WDPCP: variants seen among roughly 807,000 people sequenced by gnomAD.
WDPCP encodes the protein WD repeat containing planar cell polarity effector.
In WDPCP, 71 loss-of-function variants were observed where a neutral mutation model predicts 93.1. The ratio of observed to expected loss-of-function variants is 0.76; its 90% confidence interval spans 0.63 to 0.93. The LOEUF (loss-of-function observed/expected upper bound fraction) is 0.93. WDPCP is among the 40% of genes least tolerant of loss of function. The probability of loss-of-function intolerance (pLI) is 0.00; values close to 1 mark genes in which losing one functional copy is unlikely to be tolerated. For missense variants in WDPCP, 844 were observed against 887.4 expected, an observed-to-expected ratio of 0.95 and a Z score of 0.62; for synonymous variants, 315 against 315.0, an observed-to-expected ratio of 1.00 and a Z score of 0.00.
At chr2:63,555,368 G>A (rs1007271177) in intron 1 of WDPCP, among the ~76,000 whole-genome samples, 13 of 151,920 alleles carry the variant, frequency 8.6e-5, no homozygotes. Flanking sequence ...CCTGCAGGGA[G>A]AGGCAGCCAT....
At chr2:63,153,705 T>C (rs1336899797) in intron 15 of WDPCP, 131 bp from the exon 16 acceptor site, 3 of 567,110 alleles carry the variant, frequency 5.3e-6, no homozygotes, top group Non-Finnish European at 8.7e-6. Flanking sequence ...ATTAAAAAAT[T>C]TCTTTGGAAA....
intron 2 of WDPCP, among the ~76,000 whole-genome samples, chr2:63,702,538 C>CTTT (rs67899382): frequency 1.5e-4 from 22 of 147,252 alleles, no homozygotes; most frequent in African/African-American, 3.7e-4. Context: ...GCTACCCATT[C>CTTT]TTTTTTTTTT....
chr2:63,826,549 T>A (rs1267099275), intron 1 of WDPCP, among the ~76,000 whole-genome samples: 2 of 152,182 alleles, frequency 1.3e-5, no homozygotes, highest in African/African-American at 2.4e-5. Flanking sequence ...TGAAATAAAA[T>A]TTTTAAAAAG....
intron 13 of WDPCP, among the ~76,000 whole-genome samples, chr2:63,270,592 G>C (rs1682558753): frequency 6.6e-6 from 1 of 152,118 alleles, no homozygotes; most frequent in Admixed American, 6.5e-5. Flanking sequence ...GCATTTAAGA[G>C]AGAACATTAG....
the WDPCP span, among the ~76,000 whole-genome samples, chr2:63,838,468 C>G: frequency 6.6e-6 from 1 of 152,152 alleles, no homozygotes; most frequent in Non-Finnish European, 1.5e-5. Context: ...TGGAACCAGA[C>G]AAAAACTGGC....
chr2:63,733,253 G>T (rs1304738573), intron 2 of WDPCP, among the ~76,000 whole-genome samples: 4 of 136,062 alleles, frequency 2.9e-5, no homozygotes, highest in African/African-American at 1.1e-4. Context: ...ACTGCGGACT[G>T]CAGTGGCGCA....
chr2:63,626,517 A>G (rs918255088), intron 3 of WDPCP, among the ~76,000 whole-genome samples: 1 of 152,154 alleles, frequency 6.6e-6, no homozygotes, highest in Non-Finnish European at 1.5e-5. Flanking sequence ...TTAAAAAAGG[A>G]TATGAACAGA....
Position 63,381,866 on chromosome 2 carries a change from A to G in WDPCP, c.1624+40T>C, listed in dbSNP as rs768877891. 5.0e-6 allele frequency: 8 copies of G among 1,600,616 alleles called. No homozygotes were observed. The East Asian group carries it at 9.0e-5, about 18-fold the overall frequency. ...TAACTCAATAAAATCTATTTCATGT[A>G]TATACAAAACTCATCAATGAAAAAT... is the stretch of plus-strand genomic sequence containing the variant. On this transcript the variant is annotated intron_variant, in intron 11 of 17. Coordinates refer to ENST00000272321, the MANE Select transcript of WDPCP (RefSeq NM_015910.7).
upstream of WDPCP, among the ~76,000 whole-genome samples, chr2:63,591,775 A>G (rs1411047916): frequency 6.6e-6 from 1 of 152,168 alleles, no homozygotes; most frequent in African/African-American, 2.4e-5. Context: ...TAAATAGAAA[A>G]CCACAGGCTA....
chr2:63,710,687 T>C (rs1669248998), intron 2 of WDPCP, among the ~76,000 whole-genome samples: 1 of 152,116 alleles, frequency 6.6e-6, no homozygotes. Context: ...TATTAGACCA[T>C]TTTGCGATTG....
chr2:63,779,626 G>A lies in WDPCP; in HGVS notation n.308+33996C>T, dbSNP rs867866825. Among the ~76,000 whole-genome samples, 23 of 152,196 alleles carry A rather than the reference G, an allele frequency of 1.5e-4. No homozygotes were observed. In the East Asian group the frequency reaches 2.1e-3, roughly 14 times the overall value. On this transcript the variant is annotated intron_variant and non_coding_transcript_variant, in intron 2 of 4. Transcript: ENST00000467687. ...TCCCTTCTGAGGATAAATCACCATC[G>A]ATCTCTAGGTGCGTATATCCTTGGG...
intron 2 of WDPCP, among the ~76,000 whole-genome samples, chr2:63,777,174 G>A (rs1670316394): frequency 6.6e-6 from 1 of 152,028 alleles, no homozygotes; most frequent in Non-Finnish European, 1.5e-5. Context: ...ATATCATATT[G>A]TACTCCATAA....
intron 2 of WDPCP, among the ~76,000 whole-genome samples, chr2:63,658,167 C>A (rs1710189017): frequency 6.6e-6 from 1 of 152,100 alleles, no homozygotes; most frequent in Non-Finnish European, 1.5e-5. Context: ...TCACATTATA[C>A]CTTTGATTCT....
At position 63,599,219 on chromosome 2, in the gene WDPCP, A is replaced by G. The variant is rs758691412; in HGVS notation, n.488+51440T>C. 2.0e-5 allele frequency: 32 copies of G among 1,613,722 alleles called. No individual in the cohort carries two copies. The highest frequency in any genetic ancestry group is 6.7e-5 in the African/African-American group (5 of 74,932). ...AATACCAACTGCCTGACTGCTTCCA[A>G]GTCAGCTCCATCCATCCCCAAGGAG... On this transcript the variant is annotated intron_variant and non_coding_transcript_variant, in intron 3 of 4. Transcript: ENST00000467687.
At chr2:63,408,866 C>G (rs1257142087) in intron 9 of WDPCP, among the ~76,000 whole-genome samples, 2 of 152,044 alleles carry the variant, frequency 1.3e-5, no homozygotes, top group Non-Finnish European at 2.9e-5. Context: ...GGAATGTCAC[C>G]CCCATCCCCC....
intron 1 of WDPCP, among the ~76,000 whole-genome samples, chr2:63,575,483 A>ATGCACTGTATACACTG (rs1428295555): frequency 1.1e-5 from 1 of 94,882 alleles, no homozygotes; most frequent in Non-Finnish European, 2.2e-5. Context: ...TATACAGTGT[A>ATGCACTGTATACACTG]TATATAGTAT....
chr2:63,794,298 T>C (rs945118557), intron 2 of WDPCP, among the ~76,000 whole-genome samples: 6 of 152,280 alleles, frequency 3.9e-5, no homozygotes, highest in African/African-American at 1.4e-4. Context: ...ACCCCAGCAA[T>C]GGAGACAGCC....
chr2:63,298,353 T>C (rs1400810607), intron 13 of WDPCP, among the ~76,000 whole-genome samples: 2 of 151,996 alleles, frequency 1.3e-5, no homozygotes, highest in African/African-American at 2.4e-5. Flanking sequence ...ATGCAAAGTA[T>C]TGTTTCTGGG....
At chr2:63,673,037 G>C (rs1710363140) in intron 2 of WDPCP, among the ~76,000 whole-genome samples, 2 of 152,164 alleles carry the variant, frequency 1.3e-5, no homozygotes, top group Non-Finnish European at 2.9e-5. Context: ...ACAGGTGTGA[G>C]CCATTGCTCT....
Sources: allele counts gnomAD v4.1 joint callset (sites outside exome capture counted in the v4.1 genomes callset), GRCh38; gene constraint gnomAD v4.1.1; transcripts MANE v1.5; gene names NCBI Gene and HGNC (gene_info 2026-07-23, HGNC 2026-07-21).